Variants in ACOT12 observed in about 807,000 individuals in gnomAD.
The protein encoded by ACOT12 is acyl-CoA thioesterase 12.
ACOT12 carries 51 observed loss-of-function variants against 67.7 expected under a neutral mutation model. The ratio of observed to expected loss-of-function variants is 0.75; its 90% CI spans 0.60 to 0.95. The LOEUF is 0.95. ACOT12 is among the 40% of genes least tolerant of loss of function. The pLI, the probability that ACOT12 is intolerant of heterozygous loss-of-function variation, is 0.00. For missense variants in ACOT12, 734 were observed against 708.1 expected (o/e 1.04, Z -0.41); for synonymous variants, 251 against 244.6 (o/e 1.03, Z -0.24).
chr5:81,385,789 T>C lies in ACOT12; in HGVS notation c.165A>G (p.Ser55=), dbSNP rs1217026558. Reference sequence around the variant, plus strand: ...TCTCCTCAAACTGTATGTCATCCACTGAGGCTGTAACGCAGGAAACTCCAG... The same window carrying C: ...TCTCCTCAAACTGTATGTCATCCACCGAGGCTGTAACGCAGGAAACTCCAG... The part of the protein sequence containing the change: ...KHAGVSCVTA[S]VDDIQFEETA... The change falls in exon 2 of 15, where the codon TCA becomes TCG. Residue 55 remains serine, a synonymous_variant. Coordinates refer to ENST00000307624, the MANE Select transcript of ACOT12 (RefSeq NM_130767.3). 1.2e-6 allele frequency: 2 copies of C among 1,613,990 alleles called. No homozygotes were observed. The highest frequency in any genetic ancestry group is 1.3e-5 in the African/African-American group (1 of 74,924).
chr5:81,363,755 C>T (rs769572205), intron 4 of ACOT12, 33 bp downstream of exon 4: 2 of 1,512,036 alleles, frequency 1.3e-6, no homozygotes, highest in Admixed American at 1.8e-5. Flanking sequence ...CCCTGAATTA[C>T]ATGCTAGATA....
intron 2 of ACOT12, among the ~76,000 whole-genome samples, chr5:81,372,703 G>A (rs1262151036): frequency 1.3e-5 from 2 of 152,236 alleles, no homozygotes; most frequent in Non-Finnish European, 2.9e-5. Context: ...ATCTCAAGTT[G>A]CTTTTCTTTT....
intron 11 of ACOT12, among the ~76,000 whole-genome samples, chr5:81,339,062 G>T (rs754165939): frequency 1.3e-5 from 2 of 152,232 alleles, no homozygotes; most frequent in African/African-American, 2.4e-5. Context: ...CCTGGGCAAA[G>T]AGTGAGACTC....
chr5:81,332,622 G>A lies in ACOT12; in HGVS notation c.1263-17C>T, dbSNP rs1430989695. ...TCACAGGACCTGTGTATATAGAACA[G>A]TGAAAAGCAGGTATACTTTCTACCT... On this transcript the variant is annotated splice_polypyrimidine_tract_variant and intron_variant, in intron 12 of 14. Coordinates refer to ENST00000307624, the MANE Select transcript of ACOT12 (RefSeq NM_130767.3). 5.3e-5 allele frequency: 86 copies of A among 1,613,094 alleles called. No individual in the cohort carries two copies. Among genetic ancestry groups the A allele is most frequent in the Non-Finnish European group, 7.2e-5 (85 of 1,179,588 alleles).
chr5:81,328,500 C>T (rs1443570148), downstream of ACOT12, among the ~76,000 whole-genome samples: 2 of 152,022 alleles, frequency 1.3e-5, no homozygotes, highest in African/African-American at 2.4e-5. Context: ...AACTGGAATG[C>T]CTTAGTTAAT....
intron 6 of ACOT12, among the ~76,000 whole-genome samples, chr5:81,346,290 G>A (rs912018233): frequency 4.6e-5 from 7 of 152,172 alleles, no homozygotes; most frequent in Non-Finnish European, 8.8e-5. Context: ...ACAAACCAAT[G>A]CTTTTTGTTC....
At chr5:81,309,150 T>C in the ACOT12 span, 1 of 776,956 alleles carries the variant, frequency 1.3e-6, no homozygotes, top group East Asian at 2.7e-5. Flanking sequence ...TGCAAAACCT[T>C]GAGAATTACA....
chr5:81,394,071 A>G lies in ACOT12; in HGVS notation c.44T>C (p.Ile15Thr). The G allele has an allele frequency of 6.8e-7, 1 of 1,472,220 alleles. No homozygotes were observed. The highest frequency in any genetic ancestry group is 8.9e-7 in the Non-Finnish European group (1 of 1,118,406). The allele number at this position is 1,472,220 out of a possible 1,614,324, so 91.2% of individuals were successfully genotyped here. The stretch of plus-strand genomic sequence containing the variant: ...GCGCGCAGTGGCGTGCGCCGGCTGG[A>G]TGGCTTGGCTCATGACCACCTCGCC... ...APGEVVMSQA[I>T]QPAHATARGE... is the part of the protein sequence containing the mutation. Residue 15 changes from isoleucine to threonine, a missense_variant, in exon 1 of 15, where the codon ATC becomes ACC. Coordinates refer to ENST00000307624, the MANE Select transcript of ACOT12 (RefSeq NM_130767.3).
intron 2 of ACOT12, among the ~76,000 whole-genome samples, chr5:81,385,062 T>A (rs1474692502): frequency 6.6e-6 from 1 of 152,176 alleles, no homozygotes; most frequent in Non-Finnish European, 1.5e-5. Context: ...TCAGATGAAT[T>A]AGTGTTTACC....
At chr5:81,316,324 A>G in the ACOT12 span, among the ~76,000 whole-genome samples, 1 of 152,116 alleles carries the variant, frequency 6.6e-6, no homozygotes, top group Non-Finnish European at 1.5e-5. Flanking sequence ...TCCTTCCCCC[A>G]GCTACTGGCA....
chr5:81,346,447 A>G (rs1759383949), intron 6 of ACOT12, among the ~76,000 whole-genome samples: 1 of 152,214 alleles, frequency 6.6e-6, no homozygotes, highest in South Asian at 2.1e-4. Flanking sequence ...AGATCAAAAG[A>G]TAAGTTTTTT....
intron 3 of ACOT12, 136 bp downstream of exon 3, chr5:81,371,614 G>T: frequency 2.4e-6 from 2 of 831,242 alleles, no homozygotes; most frequent in South Asian, 1.7e-5. Context: ...CCTGTGACCT[G>T]ACTACACATT....
chr5:81,379,030 C>T (rs866407580), intron 2 of ACOT12, among the ~76,000 whole-genome samples: 4 of 152,128 alleles, frequency 2.6e-5, no homozygotes, highest in African/African-American at 4.8e-5. Context: ...CACATGAACA[C>T]GTATATTTAT....
chr5:81,348,054 T>C, intron 5 of ACOT12, 124 bp from the exon 6 acceptor site: 1 of 1,063,730 alleles, frequency 9.4e-7, no homozygotes, highest in Non-Finnish European at 1.3e-6. Context: ...TCTCAAAGCC[T>C]TAAGACTGAG....
the ACOT12 span, among the ~76,000 whole-genome samples, chr5:81,316,447 T>C: frequency 6.6e-6 from 1 of 152,226 alleles, no homozygotes; most frequent in Non-Finnish European, 1.5e-5. Context: ...TAACATGATG[T>C]TTTCAAGATT....
chr5:81,336,435 C>T (rs1759005809), intron 11 of ACOT12, among the ~76,000 whole-genome samples: 1 of 152,162 alleles, frequency 6.6e-6, no homozygotes, highest in African/African-American at 2.4e-5. Context: ...CACCATATTT[C>T]CTCAGCACGA....
the ACOT12 span, among the ~76,000 whole-genome samples, chr5:81,320,232 G>A: frequency 4.6e-5 from 7 of 152,178 alleles, no homozygotes; most frequent in South Asian, 2.1e-4. Context: ...AAGATAAGCC[G>A]GTGCTGAAGC....
chr5:81,387,974 A>G (rs1760774654), intron 1 of ACOT12, among the ~76,000 whole-genome samples: 1 of 152,226 alleles, frequency 6.6e-6, no homozygotes, highest in African/African-American at 2.4e-5. Flanking sequence ...TTAAGGGATC[A>G]AAAAGTAATA....
chr5:81,350,769 A>AT (rs899722208), intron 5 of ACOT12, among the ~76,000 whole-genome samples: 4 of 151,872 alleles, frequency 2.6e-5, no homozygotes, highest in East Asian at 1.9e-4. Context: ...AAGGGAGAGA[A>AT]TTTTTTTTCC....
Sources: gnomAD v4.1 joint callset for allele counts (sites outside exome capture counted in the v4.1 genomes callset) on GRCh38, gnomAD v4.1.1 for gene constraint, MANE v1.5 for transcripts, NCBI Gene and HGNC (gene_info 2026-07-23, HGNC 2026-07-21) for gene names.